Variants in PLCB1 observed in about 807,000 individuals in gnomAD.
The protein encoded by PLCB1 is 1-phosphatidylinositol 4,5-bisphosphate phosphodiesterase beta-1.
A neutral mutation model predicts 161.8 loss-of-function variants in PLCB1; 46 were observed. That is an observed-to-expected ratio of 0.28 (90% CI 0.22 to 0.36). The LOEUF (loss-of-function observed/expected upper bound fraction) is 0.36, where lower values mean the gene tolerates loss of function less well. Among genes scored for constraint, PLCB1 ranks in the 10% least tolerant of loss-of-function variants. The probability of loss-of-function intolerance (pLI) is 1.00; values close to 1 mark genes in which losing one functional copy is unlikely to be tolerated. For synonymous variants in PLCB1, 517 were observed against 503.7 expected, an observed-to-expected ratio of 1.03 and a Z score of -0.35; for missense variants, 1,016 against 1,472.5, an observed-to-expected ratio of 0.69 and a Z score of 5.07.
At chr20:8,166,458 A>G (rs533751178) in intron 2 of PLCB1, among the ~76,000 whole-genome samples, 33 of 152,190 alleles carry the variant, frequency 2.2e-4, no homozygotes, top group African/African-American at 7.9e-4. Context: ...AATCTACTTT[A>G]CTGGCTGTAA....
intron 3 of PLCB1, among the ~76,000 whole-genome samples, chr20:8,462,866 G>A (rs1031329071): frequency 5.4e-5 from 7 of 129,462 alleles, no homozygotes; most frequent in Non-Finnish European, 1.2e-4. Context: ...GAGAGACCAG[G>A]TGATCTATGG....
At chr20:8,245,765 T>C (rs971220941) in intron 2 of PLCB1, among the ~76,000 whole-genome samples, 1 of 151,936 alleles carries the variant, frequency 6.6e-6, no homozygotes, top group East Asian at 1.9e-4. Context: ...TTGTTAACAA[T>C]CAAATTTGTT....
At position 8,316,304 on chromosome 20, in the gene PLCB1, C is replaced by T. The variant is rs140014393; in HGVS notation, c.178-55078C>T. Among the ~76,000 whole-genome samples, 411 of 152,240 alleles carry T rather than the reference C, an allele frequency of 2.7e-3. 2 individuals are homozygous for T. The highest frequency in any genetic ancestry group is 4.2e-3 in the Non-Finnish European group (286 of 67,994). On this transcript the variant is annotated intron_variant, in intron 2 of 31. Coordinates refer to ENST00000338037, the MANE Select transcript of PLCB1 (RefSeq NM_015192.4). ...AGACACATTTTTTTCCATCCCCTCC[C>T]CTCAAAATCAGTGAATGAGCCAGTC...
intron 3 of PLCB1, among the ~76,000 whole-genome samples, chr20:8,435,006 G>C (rs1475224711): frequency 6.6e-6 from 1 of 152,174 alleles, no homozygotes; most frequent in African/African-American, 2.4e-5. Flanking sequence ...GAATTGTGCT[G>C]GGACCATGCT....
chr20:8,294,152 T>C (rs1241837710), intron 2 of PLCB1, among the ~76,000 whole-genome samples: 2 of 152,074 alleles, frequency 1.3e-5, no homozygotes, highest in African/African-American at 2.4e-5. Flanking sequence ...AGAAAAAAAA[T>C]TGTATGAACC....
intron 4 of PLCB1, among the ~76,000 whole-genome samples, chr20:8,638,988 C>CTTTTCTTTTCTTT (rs76550950): frequency 2.4e-3 from 368 of 151,558 alleles, no homozygotes; most frequent in African/African-American, 8.4e-3. Context: ...TTCTTTTTTT[C>CTTTTCTTTTCTTT]TCATGTAGCC....
intron 3 of PLCB1, among the ~76,000 whole-genome samples, chr20:8,466,000 T>C (rs1249715434): frequency 6.8e-6 from 1 of 146,886 alleles, no homozygotes; most frequent in Non-Finnish European, 1.5e-5. Context: ...CTATAAATCA[T>C]GCTGCTATAA....
chr20:8,649,706 GGA>G (rs1427076659), intron 7 of PLCB1: 10 of 505,468 alleles, frequency 2.0e-5, no homozygotes, highest in Middle Eastern at 5.3e-4. Flanking sequence ...CTGCCAAAGT[GGA>G]GAGTCCCCAC....
In PLCB1 at chr20:8,649,456, ATG is replaced by A. The variant is rs1302432954; in HGVS notation, c.594+13_594+14del. 6.3e-7 allele frequency: 1 copy of A among 1,593,110 alleles called. No homozygotes were observed. The highest frequency in any genetic ancestry group is 8.6e-7 in the Non-Finnish European group (1 of 1,161,072). On this transcript the variant is annotated splice_region_variant and intron_variant, in intron 7 of 31. Transcript: ENST00000338037. ...TAGTCTTCCATCTTCAAGGGTGAGC[ATG>A]TGTGTTATGCTATAGTTTGAATGTT...
chr20:8,484,417 A>G (rs1450823589), intron 3 of PLCB1, among the ~76,000 whole-genome samples: 1 of 150,356 alleles, frequency 6.7e-6, no homozygotes, highest in African/African-American at 2.5e-5. Flanking sequence ...GCTGGAATGC[A>G]GTGGTGTGAT....
chr20:8,594,801 C>A (rs1000193559), intron 3 of PLCB1, among the ~76,000 whole-genome samples: 2 of 152,058 alleles, frequency 1.3e-5, no homozygotes, highest in Admixed American at 6.5e-5. Flanking sequence ...AATATTTAAC[C>A]AAGTGTACCT....
At chr20:8,644,741 C>T (rs1338057198) in intron 4 of PLCB1, among the ~76,000 whole-genome samples, 4 of 138,490 alleles carry the variant, frequency 2.9e-5, no homozygotes, top group Admixed American at 7.1e-5. Context: ...CCGCCCCGCC[C>T]GGGAGGTGAG....
In PLCB1 at chr20:8,455,879, G is replaced by A. The variant is rs938163745; in HGVS notation, c.246+84429G>A. On this transcript the variant is annotated intron_variant, in intron 3 of 31. Coordinates refer to ENST00000338037, the MANE Select transcript of PLCB1 (RefSeq NM_015192.4). ...ATCCTCCATAGGCTCCTATCTTTGT[G>A]CTGAGTATTAATTCCCATCTGTGTT... Among the ~76,000 whole-genome samples the A allele has an allele frequency of 2.2e-4, 34 of 152,294 alleles. 1 individual carries two copies. Among genetic ancestry groups the A allele is most frequent in the African/African-American group, 7.7e-4 (32 of 41,566 alleles).
At chr20:8,592,593 T>A (rs1600175813) in intron 3 of PLCB1, among the ~76,000 whole-genome samples, 1 of 152,140 alleles carries the variant, frequency 6.6e-6, no homozygotes, top group South Asian at 2.1e-4. Flanking sequence ...TGAGAGGGTC[T>A]TTTTTTCCCC....
chr20:8,480,674 G>C (rs1343434789), intron 3 of PLCB1, among the ~76,000 whole-genome samples: 1 of 152,168 alleles, frequency 6.6e-6, no homozygotes, highest in Non-Finnish European at 1.5e-5. Context: ...TGGACTAAGG[G>C]AGCCTTCTGA....
intron 31 of PLCB1, among the ~76,000 whole-genome samples, chr20:8,808,450 T>C (rs1488029966): frequency 1.3e-5 from 2 of 152,166 alleles, no homozygotes; most frequent in African/African-American, 4.8e-5. Flanking sequence ...TAGGAGCTCA[T>C]TTAACCTTAA....
chr20:8,384,082 G>C (rs986384584), intron 3 of PLCB1, among the ~76,000 whole-genome samples: 5 of 152,008 alleles, frequency 3.3e-5, no homozygotes, highest in African/African-American at 9.7e-5. Flanking sequence ...TGCTAGGTTG[G>C]GGAAGTTCTC....
chr20:8,822,353 T>A (rs953511861), intron 31 of PLCB1, among the ~76,000 whole-genome samples: 13 of 152,178 alleles, frequency 8.5e-5, no homozygotes, highest in Admixed American at 8.5e-4. Flanking sequence ...CTGCGCTGCA[T>A]ACTAAGAATA....
intron 2 of PLCB1, among the ~76,000 whole-genome samples, chr20:8,285,174 C>T (rs1983054261): frequency 6.6e-6 from 1 of 150,938 alleles, no homozygotes; most frequent in Non-Finnish European, 1.5e-5. Context: ...AGATGCTTCA[C>T]TTGTGTTTGC....
Sources: gnomAD v4.1 joint callset for allele counts (sites outside exome capture counted in the v4.1 genomes callset) on GRCh38, gnomAD v4.1.1 for gene constraint, MANE v1.5 for transcripts, NCBI Gene and HGNC (gene_info 2026-07-23, HGNC 2026-07-21) for gene names.